PBRM1: variants seen among roughly 807,000 people sequenced by gnomAD.
PBRM1 encodes the protein polybromo 1.
In PBRM1, 27 loss-of-function variants were observed where a neutral mutation model predicts 194.5. That is an observed-to-expected ratio of 0.14 (90% CI 0.10 to 0.19). PBRM1 has a LOEUF of 0.19. PBRM1 is among the 10% of genes least tolerant of loss of function. The pLI is 1.00. For synonymous variants in PBRM1, 655 were observed against 693.2 expected, an observed-to-expected ratio of 0.94 and a Z score of 0.87; for missense variants, 1,466 against 2,077.2, an observed-to-expected ratio of 0.71 and a Z score of 5.72.
chr3:52,677,885 T>A (rs1048799916), intron 2 of PBRM1, among the ~76,000 whole-genome samples: 1 of 152,052 alleles, frequency 6.6e-6, no homozygotes, highest in Non-Finnish European at 1.5e-5. Flanking sequence ...TAAATATTTA[T>A]TTTTAGGCAA....
chr3:52,648,280 T>C (rs1433246809), intron 7 of PBRM1, 64 bp downstream of exon 8: 3 of 906,160 alleles, frequency 3.3e-6, no homozygotes, highest in African/African-American at 3.4e-5. Context: ...TTATAAAAAT[T>C]ACTGACCTTA....
downstream of PBRM1, chr3:52,547,065 C>T (rs369365079): frequency 4.3e-6 from 1 of 233,110 alleles, no homozygotes; most frequent in South Asian, 1.8e-4. Context: ...TACTCTCTTA[C>T]CCATGTTAGG....
chr3:52,568,812 T>C (rs963718192), intron 22 of PBRM1, among the ~76,000 whole-genome samples: 8 of 152,222 alleles, frequency 5.3e-5, no homozygotes, highest in African/African-American at 1.9e-4. Flanking sequence ...GTTTTAATTA[T>C]TGTAGTGCTA....
Position 52,617,545 on chromosome 3 carries a change from A to C in PBRM1, c.1542-7T>G, listed in dbSNP as rs937671315. On this transcript the variant is annotated splice_region_variant and splice_polypyrimidine_tract_variant and intron_variant, in intron 13 of 29. Coordinates refer to ENST00000296302, the Ensembl canonical transcript of PBRM1. ...CTTTCTTATGTTCTTTTTACTGTTG[A>C]GGGGGAGGTAGAAAAGGGGAAAAAT... 5 of 1,586,786 alleles carry C rather than the reference A, an allele frequency of 3.2e-6. No individual in the cohort carries two copies. Among genetic ancestry groups the C allele is most frequent in the Non-Finnish European group, 4.3e-6 (5 of 1,172,730 alleles).
intron 22 of PBRM1, among the ~76,000 whole-genome samples, chr3:52,565,824 G>A (rs2085000022): frequency 6.6e-6 from 1 of 152,166 alleles, no homozygotes; most frequent in Non-Finnish European, 1.5e-5. Context: ...GCCGAGGCGG[G>A]TGGATCATGA....
chr3:52,638,786 A>G (rs1308992977), intron 10 of PBRM1, among the ~76,000 whole-genome samples: 1 of 151,370 alleles, frequency 6.6e-6, no homozygotes, highest in Non-Finnish European at 1.5e-5. Context: ...TTTTGCAGAG[A>G]TGAGGTCTCG....
At chr3:52,662,102 C>T (rs2153916886) in intron 4 of PBRM1, 31 bp downstream of exon 5, 2 of 1,609,264 alleles carry the variant, frequency 1.2e-6, no homozygotes, top group South Asian at 1.1e-5. Context: ...TCCAAGAGCC[C>T]ATCCATCACA....
chr3:52,555,437 G>T (rs955719080), intron 26 of PBRM1, among the ~76,000 whole-genome samples: 1 of 152,196 alleles, frequency 6.6e-6, no homozygotes, highest in Non-Finnish European at 1.5e-5. Flanking sequence ...ACCACTGCTG[G>T]TAAGAATGGA....
chr3:52,599,018 CAA>C lies in PBRM1; in HGVS notation c.2779+4501_2779+4502del, dbSNP rs59170143. Among the ~76,000 whole-genome samples the C allele has an allele frequency of 8.2e-3, 934 of 114,316 alleles. 11 individuals carry two copies. Among genetic ancestry groups the C allele is most frequent in the African/African-American group, 0.03 (791 of 26,786 alleles). The allele number at this position is 114,316 out of a possible 152,430, so 75.0% of individuals were successfully genotyped here. On this transcript the variant is annotated intron_variant, in intron 17 of 29. Transcript: ENST00000296302. Reference sequence around the variant, plus strand: ...GCCTCAGCAACAGTGCCAGATATCTCAAAAAAAAAAAAAAAAAAAAAAAAATT... The same window carrying C: ...GCCTCAGCAACAGTGCCAGATATCTCAAAAAAAAAAAAAAAAAAAAAAATT...
At chr3:52,635,482 C>T (rs111434579) in intron 10 of PBRM1, among the ~76,000 whole-genome samples, 9,097 of 152,092 alleles carry the variant, frequency 0.06, 358 homozygotes, top group Non-Finnish European at 0.084. Context: ...AGAAGAATTG[C>T]TTGAACCCAG....
chr3:52,576,443 G>A (rs1326514827), intron 22 of PBRM1, 98 bp downstream of exon 24: 4 of 880,626 alleles, frequency 4.5e-6, no homozygotes, highest in Non-Finnish European at 6.9e-6. Flanking sequence ...TTTGGGCACT[G>A]CTCTATACCT....
At chr3:52,655,579 T>C (rs930270020) in intron 5 of PBRM1, among the ~76,000 whole-genome samples, 3 of 152,194 alleles carry the variant, frequency 2.0e-5, no homozygotes, top group South Asian at 2.1e-4. Context: ...TTGGAGTATA[T>C]ATCTAAAGTG....
upstream of PBRM1, chr3:52,679,729 A>G (rs377389143): frequency 2.2e-5 from 35 of 1,610,694 alleles, no homozygotes; most frequent in South Asian, 4.4e-5. Context: ...AACTTCTTCT[A>G]TAAGAAATAA....
At chr3:52,622,142 C>G (rs2095302685) in intron 13 of PBRM1, among the ~76,000 whole-genome samples, 3 of 152,108 alleles carry the variant, frequency 2.0e-5, no homozygotes, top group Non-Finnish European at 4.4e-5. Context: ...GAGTTCGAGA[C>G]CAGCCTGGCC....
intron 16 of PBRM1, among the ~76,000 whole-genome samples, chr3:52,603,968 T>C (rs1380381951): frequency 6.6e-6 from 1 of 152,182 alleles, no homozygotes; most frequent in Non-Finnish European, 1.5e-5. Context: ...GTACAGCTCA[T>C]GAAAAACGAA....
At chr3:52,645,438 C>T (rs2096263253) in intron 7 of PBRM1, among the ~76,000 whole-genome samples, 1 of 151,432 alleles carries the variant, frequency 6.6e-6, no homozygotes. Flanking sequence ...GCTGGGATTA[C>T]AGGCCTAAAC....
chr3:52,547,498 A>G (rs1475412146), downstream of PBRM1: 1 of 233,562 alleles, frequency 4.3e-6, no homozygotes, highest in Non-Finnish European at 8.5e-6. Flanking sequence ...CCTTTCAAAG[A>G]AAGCACTTCA....
intron 22 of PBRM1, among the ~76,000 whole-genome samples, chr3:52,569,468 C>T (rs2086371321): frequency 6.6e-6 from 1 of 152,090 alleles, no homozygotes; most frequent in Non-Finnish European, 1.5e-5. Flanking sequence ...CCTTGGCTTC[C>T]CAAAGTGCTG....
chr3:52,556,227 C>T (rs2082199532), intron 26 of PBRM1, among the ~76,000 whole-genome samples: 1 of 152,174 alleles, frequency 6.6e-6, no homozygotes, highest in Admixed American at 6.5e-5. Context: ...ATTCACCCTG[C>T]TTCACTAGTC....
Sources: allele counts gnomAD v4.1 joint callset (sites outside exome capture counted in the v4.1 genomes callset), GRCh38; gene constraint gnomAD v4.1.1; transcripts MANE v1.5; gene names NCBI Gene and HGNC (gene_info 2026-07-23, HGNC 2026-07-21).